NDUFA10: variants seen among roughly 807,000 people sequenced by gnomAD.
NDUFA10 encodes the protein NADH:ubiquinone oxidoreductase subunit A10.
Under a neutral mutation model 47.8 loss-of-function variants are expected in NDUFA10, and 40 were observed. The observed-to-expected ratio is 0.84, with a 90% CI of 0.65 to 1.09. The LOEUF (loss-of-function observed/expected upper bound fraction) is 1.09. Among genes scored for constraint, NDUFA10 ranks in the 50% least tolerant of loss-of-function variants. The pLI, the probability that NDUFA10 is intolerant of heterozygous loss-of-function variation, is 0.00. For missense variants in NDUFA10, 413 were observed against 451.1 expected (o/e 0.92, Z 0.76); for synonymous variants, 183 against 172.2 (o/e 1.06, Z -0.49).
chr2:239,983,323 C>T (rs1239952999), intron 9 of NDUFA10, among the ~76,000 whole-genome samples: 2 of 152,216 alleles, frequency 1.3e-5, no homozygotes, highest in Admixed American at 6.5e-5. Flanking sequence ...CTCCAGGTAT[C>T]CCCACAATGC....
intron 4 of NDUFA10, among the ~76,000 whole-genome samples, chr2:239,951,254 G>C (rs1694546312): frequency 6.6e-6 from 1 of 152,220 alleles, no homozygotes; most frequent in African/African-American, 2.4e-5. Flanking sequence ...GCGTGCGGGA[G>C]GGGCCTCGGG....
intron 9 of NDUFA10, chr2:239,973,443 T>C (rs1245405803): frequency 1.1e-5 from 5 of 456,100 alleles, no homozygotes; most frequent in Non-Finnish European, 2.2e-5. Context: ...TAAAAAATGG[T>C]AAGGGAGAAC....
intron 9 of NDUFA10, among the ~76,000 whole-genome samples, chr2:239,967,232 G>A (rs892345650): frequency 2.0e-5 from 3 of 152,176 alleles, no homozygotes; most frequent in Non-Finnish European, 2.9e-5. Context: ...CTTACACTTC[G>A]GGGCTGATTC....
chr2:240,025,309 C>CAA lies in NDUFA10; in HGVS notation c.-9_-8insTT. 1 of 1,505,272 alleles carries CAA rather than the reference C, an allele frequency of 6.6e-7. No homozygotes were observed. Among genetic ancestry groups the CAA allele is most frequent in the Non-Finnish European group, 8.8e-7 (1 of 1,130,602 alleles). The allele number at this position is 1,505,272 out of a possible 1,614,324, so 93.2% of individuals were successfully genotyped here. On this transcript the variant is annotated 5_prime_UTR_variant, in exon 1 of 10. Coordinates refer to ENST00000252711, the MANE Select transcript of NDUFA10 (RefSeq NM_004544.4). ...CAGGAGCCGCAAGGCCATGGCTACC[C>CAA]GGTCAGCTCAGGATCAAGGACCCAA...
chr2:239,947,112 A>G (rs1694469176), intron 4 of NDUFA10, among the ~76,000 whole-genome samples: 1 of 152,206 alleles, frequency 6.6e-6, no homozygotes, highest in African/African-American at 2.4e-5. Context: ...GCTGGGATCC[A>G]GGCTGCAGTG....
At chr2:239,997,580 T>C (rs720771) in intron 8 of NDUFA10, among the ~76,000 whole-genome samples, 234 of 152,334 alleles carry the variant, frequency 1.5e-3, no homozygotes, top group African/African-American at 5.4e-3. Context: ...TGCGTTCATA[T>C]ACTCTGACCA....
At chr2:239,972,149 G>A (rs1695329055) in intron 9 of NDUFA10, among the ~76,000 whole-genome samples, 1 of 142,996 alleles carries the variant, frequency 7.0e-6, no homozygotes, top group East Asian at 1.9e-4. Flanking sequence ...GTGTGTGTGT[G>A]TGTGTGTGTG....
intron 4 of NDUFA10, among the ~76,000 whole-genome samples, chr2:239,922,157 CT>C (rs1468776469): frequency 1.3e-5 from 2 of 150,946 alleles, no homozygotes; most frequent in Non-Finnish European, 3.0e-5. Context: ...CCTAAATGAG[CT>C]TTTCCTACCT....
intron 4 of NDUFA10, among the ~76,000 whole-genome samples, chr2:239,921,019 G>A (rs1693967196): frequency 6.6e-6 from 1 of 152,170 alleles, no homozygotes; most frequent in Non-Finnish European, 1.5e-5. Context: ...CAGCCACAGG[G>A]TTCTGTGGAC....
chr2:239,969,659 G>C (rs1174734536), intron 9 of NDUFA10: 3 of 471,072 alleles, frequency 6.4e-6, no homozygotes, highest in East Asian at 6.9e-5. Context: ...AAGAGCAAAG[G>C]CTCTCCTGCC....
intron 4 of NDUFA10, among the ~76,000 whole-genome samples, chr2:239,905,581 C>T (rs1287961015): frequency 6.6e-6 from 1 of 152,048 alleles, no homozygotes; most frequent in African/African-American, 2.4e-5. Context: ...GCTGCCGCGT[C>T]GGGGGGTTTA....
chr2:239,982,960 A>T (rs11694337), intron 9 of NDUFA10, among the ~76,000 whole-genome samples: 17,943 of 152,148 alleles, frequency 0.12, 1,233 homozygotes, highest in South Asian at 0.15. Flanking sequence ...CTTTTGTTAG[A>T]AATAAAAACC....
Position 239,988,826 on chromosome 2 carries a change from C to T in NDUFA10, c.999+1248G>A, listed in dbSNP as rs374528471. Among the ~76,000 whole-genome samples, 81 of 152,248 alleles carry T rather than the reference C, an allele frequency of 5.3e-4. 1 individual carries two copies. The South Asian group carries it at 0.016, about 30-fold the overall frequency. Reference sequence around the variant, plus strand: ...GAGGGAGAAACAGCACATGCACTCACACACGTGTACAAGGACAGAAAGGGA... The same window carrying T: ...GAGGGAGAAACAGCACATGCACTCATACACGTGTACAAGGACAGAAAGGGA... On this transcript the variant is annotated intron_variant, in intron 9 of 9. Coordinates refer to ENST00000252711, the MANE Select transcript of NDUFA10 (RefSeq NM_004544.4).
chr2:239,973,655 G>A (rs1416287320), intron 9 of NDUFA10: 3 of 465,812 alleles, frequency 6.4e-6, no homozygotes, highest in African/African-American at 2.0e-5. Flanking sequence ...CCATTGAAGA[G>A]ACTGAACTGG....
chr2:239,905,232 T>G (rs1303357232), intron 4 of NDUFA10, among the ~76,000 whole-genome samples: 1 of 152,106 alleles, frequency 6.6e-6, no homozygotes, highest in Non-Finnish European at 1.5e-5. Flanking sequence ...CCCCTCTAAC[T>G]GCACAGTATG....
At position 239,961,271 on chromosome 2, in the gene NDUFA10, T is replaced by C. The variant is rs1030127384; in HGVS notation, c.1000-85A>G. 1.6e-5 allele frequency: 25 copies of C among 1,603,518 alleles called. No individual in the cohort carries two copies. In the African/African-American group the frequency reaches 2.9e-4, roughly 19 times the overall value. The stretch of plus-strand genomic sequence containing the variant: ...CATAGTTCAATGTCTACCCGGCAGA[T>C]GCCTGTACTTCATGAGTTCCTTCAG... On this transcript the variant is annotated intron_variant, in intron 9 of 9. Transcript: ENST00000252711.
rs1043333847 is a variant in NDUFA10 at position 240,016,418 on chromosome 2, C to T, written c.548-1558G>A. Among the ~76,000 whole-genome samples the T allele has an allele frequency of 6.6e-6, 1 of 152,204 alleles. No homozygotes were observed. The highest frequency in any genetic ancestry group is 1.5e-5 in the Non-Finnish European group (1 of 68,034). ...TACTCCTGTCAGTACACCCACTTCT[C>T]AGGTGGTCCCCACCTTGCTCTATGC... On this transcript the variant is annotated intron_variant, in intron 4 of 9. Coordinates refer to ENST00000252711, the MANE Select transcript of NDUFA10 (RefSeq NM_004544.4). This position sits in a 1 kb window ranked among gnomAD's most constrained non-coding sequence, Gnocchi z 4.4.
At chr2:239,977,994 A>G (rs1427000326) in intron 9 of NDUFA10, among the ~76,000 whole-genome samples, 2 of 152,092 alleles carry the variant, frequency 1.3e-5, no homozygotes, top group Admixed American at 6.5e-5. Context: ...TTGGGGTCCT[A>G]TGAAACAAAC....
Position 239,961,122 on chromosome 2 carries a change from T to C in NDUFA10, c.1064A>G (p.Lys355Arg). Reference protein sequence around the residue: ...TEVGDKWIWLK With the variant: ...TEVGDKWIWLR Reference sequence around the variant, plus strand: ...CTGGAGCAGAAGGCGGCCCGTTCACTTCAGCCAGATCCACTTGTCTCCCAC... The same window carrying C: ...CTGGAGCAGAAGGCGGCCCGTTCACCTCAGCCAGATCCACTTGTCTCCCAC... The change falls in exon 10 of 10, where the codon AAG becomes AGG. Residue 355 changes from lysine (K) to arginine (R), a missense_variant. Transcript: ENST00000252711. 6.2e-7 allele frequency: 1 copy of C among 1,614,230 alleles called. No individual in the cohort carries two copies. Among genetic ancestry groups the C allele is most frequent in the Non-Finnish European group, 8.5e-7 (1 of 1,180,046 alleles).
Sources: allele counts gnomAD v4.1 joint callset (sites outside exome capture counted in the v4.1 genomes callset), GRCh38; gene constraint gnomAD v4.1.1; non-coding constraint Gnocchi (gnomAD v3.1); transcripts MANE v1.5; gene names NCBI Gene and HGNC (gene_info 2026-07-23, HGNC 2026-07-21).